Variants in SCFD2 observed in about 807,000 individuals in gnomAD.
The protein encoded by SCFD2 is sec1 family domain containing 2.
Under a neutral mutation model 58.9 loss-of-function variants are expected in SCFD2, and 54 were observed. The ratio of observed to expected loss-of-function variants is 0.92; its 90% CI spans 0.74 to 1.15. SCFD2 has a LOEUF of 1.15. Ranked by LOEUF, SCFD2 falls within the 50% of genes most tolerant of loss-of-function variation. SCFD2 has a pLI of 0.00. For synonymous variants in SCFD2, 321 were observed against 335.9 expected (o/e 0.96, Z 0.49); for missense variants, 805 against 836.6 (o/e 0.96, Z 0.47).
chr4:53,239,825 C>G (rs989458761), intron 4 of SCFD2, among the ~76,000 whole-genome samples: 1 of 152,034 alleles, frequency 6.6e-6, no homozygotes. Flanking sequence ...CTGTATAGAC[C>G]CAAGCTAAAT....
chr4:52,971,393 A>G (rs1721097323), intron 5 of SCFD2, among the ~76,000 whole-genome samples: 1 of 152,256 alleles, frequency 6.6e-6, no homozygotes, highest in Non-Finnish European at 1.5e-5. Flanking sequence ...AGCTGATTCG[A>G]TCAACTGGAA....
At chr4:53,106,207 G>T (rs182716839) in intron 5 of SCFD2, among the ~76,000 whole-genome samples, 1 of 152,078 alleles carries the variant, frequency 6.6e-6, no homozygotes, top group Admixed American at 6.6e-5. Flanking sequence ...ACAAAAACCC[G>T]ATCTGAAGGT....
chr4:53,158,822 A>C (rs963178925), intron 4 of SCFD2, among the ~76,000 whole-genome samples: 12 of 152,180 alleles, frequency 7.9e-5, no homozygotes, highest in African/African-American at 2.9e-4. Context: ...ACTTTACTGA[A>C]CTACTTGCAT....
intron 5 of SCFD2, among the ~76,000 whole-genome samples, chr4:53,043,826 C>T (rs770654619): frequency 1.3e-5 from 2 of 151,940 alleles, no homozygotes; most frequent in Non-Finnish European, 2.9e-5. Context: ...CACTTACAAA[C>T]CTTTAAAAAA....
chr4:53,120,732 T>C (rs553625786), intron 5 of SCFD2, among the ~76,000 whole-genome samples: 2 of 152,168 alleles, frequency 1.3e-5, no homozygotes, highest in Non-Finnish European at 2.9e-5. Context: ...AGAAAATTTA[T>C]TGAAATTTTA....
At chr4:52,905,968 A>T (rs932047895) in intron 7 of SCFD2, among the ~76,000 whole-genome samples, 1 of 152,236 alleles carries the variant, frequency 6.6e-6, no homozygotes, top group South Asian at 2.1e-4. Context: ...TATTAAAGGC[A>T]CTGTGATGTT....
chr4:53,293,196 T>A (rs532155391), intron 3 of SCFD2, among the ~76,000 whole-genome samples: 2 of 151,950 alleles, frequency 1.3e-5, no homozygotes, highest in South Asian at 4.1e-4. Context: ...AGCAATCTAA[T>A]GCAGGAGCGG....
intron 5 of SCFD2, among the ~76,000 whole-genome samples, chr4:52,946,999 C>A (rs1337829056): frequency 6.6e-6 from 1 of 152,122 alleles, no homozygotes; most frequent in African/African-American, 2.4e-5. Flanking sequence ...GCTCACTGTG[C>A]CCTGGTGCAT....
chr4:52,889,375 C>T (rs1718828073), intron 7 of SCFD2, among the ~76,000 whole-genome samples: 1 of 152,194 alleles, frequency 6.6e-6, no homozygotes, highest in South Asian at 2.1e-4. Flanking sequence ...GAGGTTCATG[C>T]ACAGTAATGG....
rs74572775 is a variant in SCFD2, at chr4:53,007,460, A to G, written c.1562-86590T>C. Among the ~76,000 whole-genome samples, 7 of 151,484 alleles carry G rather than the reference A, an allele frequency of 4.6e-5. No homozygotes were observed. The East Asian group carries it at 1.4e-3, about 30-fold the overall frequency. On this transcript the variant is annotated intron_variant, in intron 5 of 8. Transcript: ENST00000401642. ...GAGGAAGGATAGACTTGTTACTGAT[A>G]ATTGTTGCTTTGAAAATTTAAAAGC...
At chr4:52,980,842 A>T (rs1721360502) in intron 5 of SCFD2, among the ~76,000 whole-genome samples, 3 of 152,092 alleles carry the variant, frequency 2.0e-5, no homozygotes, top group Non-Finnish European at 1.5e-5. Flanking sequence ...CTATTACTTC[A>T]CCAGGTTTCT....
chr4:52,883,923 C>T (rs564414160), intron 8 of SCFD2, among the ~76,000 whole-genome samples: 108 of 152,304 alleles, frequency 7.1e-4, no homozygotes, highest in Admixed American at 1.9e-3. Flanking sequence ...TGCTGTAGCT[C>T]TCTAGGTACC....
chr4:53,248,246 T>C (rs547839373), intron 4 of SCFD2, among the ~76,000 whole-genome samples: 3 of 152,324 alleles, frequency 2.0e-5, no homozygotes, highest in Admixed American at 6.5e-5. Flanking sequence ...CAGGAAATTA[T>C]ATCCCGCACC....
In SCFD2 at chr4:53,081,689, T is replaced by G. The variant is rs185375559; in HGVS notation, c.1561+63644A>C. Among the ~76,000 whole-genome samples, 647 of 152,278 alleles carry G rather than the reference T, an allele frequency of 4.2e-3. 4 individuals are homozygous for G. Among genetic ancestry groups the G allele is most frequent in the African/African-American group, 0.015 (615 of 41,574 alleles). ...AAATTGACACATAATTCACATATCA[T>G]AAAATTTATTACTTTAAAGTGTGCA... is the stretch of plus-strand genomic sequence containing the variant. On this transcript the variant is annotated intron_variant, in intron 5 of 8. Coordinates refer to ENST00000401642, the MANE Select transcript of SCFD2 (RefSeq NM_152540.4).
intron 7 of SCFD2, among the ~76,000 whole-genome samples, chr4:52,904,223 C>T (rs1407459245): frequency 6.6e-6 from 1 of 152,234 alleles, no homozygotes; most frequent in East Asian, 1.9e-4. Context: ...AGCGGCTCAG[C>T]TAGAGCCTTT....
At chr4:53,268,141 G>A (rs1731048908) in intron 4 of SCFD2, among the ~76,000 whole-genome samples, 2 of 152,104 alleles carry the variant, frequency 1.3e-5, no homozygotes. Flanking sequence ...GGTGTCCACA[G>A]GGGAGACAAT....
chr4:53,023,916 T>A (rs1722408013), intron 5 of SCFD2, among the ~76,000 whole-genome samples: 1 of 152,106 alleles, frequency 6.6e-6, no homozygotes, highest in African/African-American at 2.4e-5. Flanking sequence ...AAACTTCATC[T>A]CGACATTGAG....
chr4:53,027,964 T>A (rs896758365), intron 5 of SCFD2, among the ~76,000 whole-genome samples: 3 of 150,826 alleles, frequency 2.0e-5, no homozygotes, highest in Admixed American at 2.0e-4. Context: ...AAAATATATG[T>A]GGGCGGGCAT....
intron 5 of SCFD2, among the ~76,000 whole-genome samples, chr4:52,973,167 C>A (rs1348524533): frequency 6.6e-6 from 1 of 152,014 alleles, no homozygotes; most frequent in Non-Finnish European, 1.5e-5. Context: ...TAACTAAGAT[C>A]AGAGCAGAAC....
Sources: allele counts gnomAD v4.1 joint callset (sites outside exome capture counted in the v4.1 genomes callset), GRCh38; gene constraint gnomAD v4.1.1; transcripts MANE v1.5; gene names NCBI Gene and HGNC (gene_info 2026-07-23, HGNC 2026-07-21).